Variants in ASTN1 observed in about 807,000 individuals in gnomAD.
The protein encoded by ASTN1 is astrotactin 1.
Under a neutral mutation model 140.7 loss-of-function variants are expected in ASTN1, and 41 were observed. The ratio of observed to expected loss-of-function variants is 0.29; its 90% CI spans 0.23 to 0.38. The LOEUF is 0.38. Ranked by LOEUF, ASTN1 falls within the 10% of genes least tolerant of loss-of-function variation. ASTN1 has a pLI of 1.00. For missense variants in ASTN1, 1,479 were observed against 1,678.8 expected, an observed-to-expected ratio of 0.88 and a Z score of 2.08; for synonymous variants, 640 against 652.2, an observed-to-expected ratio of 0.98 and a Z score of 0.29.
intron 16 of ASTN1, among the ~76,000 whole-genome samples, chr1:176,908,476 C>T (rs1169365804): frequency 1.3e-5 from 2 of 152,182 alleles, no homozygotes; most frequent in Non-Finnish European, 2.9e-5. Flanking sequence ...AAGGCAGAGG[C>T]TATAGCATAT....
Position 176,869,012 on chromosome 1 carries a change from A to G in ASTN1, c.3479T>C (p.Ile1160Thr). ...DVKAQEIADK[I>T]YNLFNGYTSG... ...AGTGTAGCCATTGAAGAGATTGTAGATCTTGTCTGCTATTTCTGAGGAAGG... is the reference window on the plus strand; with the variant it reads ...AGTGTAGCCATTGAAGAGATTGTAGGTCTTGTCTGCTATTTCTGAGGAAGG... The change falls in exon 22 of 23, where the codon ATC (isoleucine) becomes ACC (threonine). Residue 1160 changes from isoleucine to threonine, a missense_variant. By Grantham distance (89) the Ile-to-Thr change is moderately conservative. This residue lies in a region of ASTN1 where 746 missense variants were observed against 800.9 expected (regional missense o/e 0.93). Coordinates refer to ENST00000361833, the MANE Select transcript of ASTN1 (RefSeq NM_004319.3). The G allele has an allele frequency of 1.3e-6, 2 of 1,590,186 alleles. No individual in the cohort carries two copies. The highest frequency in any genetic ancestry group is 1.7e-6 in the Non-Finnish European group (2 of 1,167,732).
intron 16 of ASTN1, among the ~76,000 whole-genome samples, chr1:176,896,366 C>T (rs955998868): frequency 2.0e-5 from 3 of 152,130 alleles, no homozygotes; most frequent in Admixed American, 6.5e-5. Context: ...ATAAGAATGA[C>T]GGCTTCAAAT....
At chr1:176,973,107 T>A (rs1673211274) in intron 8 of ASTN1, among the ~76,000 whole-genome samples, 1 of 152,166 alleles carries the variant, frequency 6.6e-6, no homozygotes, top group Non-Finnish European at 1.5e-5. Flanking sequence ...ATCCTATCTC[T>A]ACCCTCCTTT....
At chr1:177,042,834 C>T (rs1677042486) in intron 2 of ASTN1, among the ~76,000 whole-genome samples, 1 of 152,286 alleles carries the variant, frequency 6.6e-6, no homozygotes, top group Non-Finnish European at 1.5e-5. Context: ...CACTCAACTT[C>T]CCATTTTCTT....
intron 2 of ASTN1, among the ~76,000 whole-genome samples, chr1:177,033,692 T>C (rs905362946): frequency 1.3e-5 from 2 of 152,102 alleles, no homozygotes; most frequent in Non-Finnish European, 2.9e-5. Context: ...GGGGAAGGGA[T>C]TGAAACCCAA....
chr1:176,919,305 T>G (rs1264206320), intron 16 of ASTN1, among the ~76,000 whole-genome samples: 1 of 152,244 alleles, frequency 6.6e-6, no homozygotes, highest in Admixed American at 6.5e-5. Context: ...AAAGAGATTT[T>G]CTTCAGTTTC....
chr1:176,984,674 T>C (rs1319358516), intron 8 of ASTN1, among the ~76,000 whole-genome samples: 1 of 152,186 alleles, frequency 6.6e-6, no homozygotes, highest in Admixed American at 6.5e-5. Flanking sequence ...GCAATCAATG[T>C]TTTTCTGATT....
At chr1:176,956,653 C>G (rs777284993) in intron 11 of ASTN1, among the ~76,000 whole-genome samples, 1 of 152,166 alleles carries the variant, frequency 6.6e-6, no homozygotes, top group Non-Finnish European at 1.5e-5. Context: ...GGCTTTCCTC[C>G]CTGCCTCCCC....
chr1:176,905,320 A>T (rs1669938566), intron 16 of ASTN1, among the ~76,000 whole-genome samples: 1 of 152,228 alleles, frequency 6.6e-6, no homozygotes, highest in Admixed American at 6.5e-5. Context: ...ACCATAGCGG[A>T]AAATTCAATG....
At chr1:176,858,319 G>A (rs565937267), downstream of ASTN1, among the ~76,000 whole-genome samples, 107 of 152,280 alleles carry the variant, frequency 7.0e-4, 2 homozygotes, top group South Asian at 4.1e-3. Context: ...TAATGTTGAG[G>A]TTTCATTTGA....
rs149109331 is a variant in ASTN1, at chr1:176,986,876, T to C, written c.1524-21639A>G. The stretch of plus-strand genomic sequence containing the variant: ...AGTGGCAGGCACATGTTAAGTACTA[T>C]ATAAGTACCTGTTGTTATTATTCTC... On this transcript the variant is annotated intron_variant, in intron 8 of 22. Coordinates refer to ENST00000361833, the MANE Select transcript of ASTN1 (RefSeq NM_004319.3). Among the ~76,000 whole-genome samples, 45 of 152,334 alleles carry C rather than the reference T, an allele frequency of 3.0e-4. No homozygotes were observed. In the East Asian group the frequency reaches 8.5e-3, roughly 29 times the overall value.
intron 1 of ASTN1, among the ~76,000 whole-genome samples, chr1:177,139,594 A>G (rs1166355723): frequency 1.3e-5 from 2 of 152,194 alleles, no homozygotes; most frequent in African/African-American, 4.8e-5. Flanking sequence ...AAATCAGGCA[A>G]TCTATTAGAA....
intron 11 of ASTN1, among the ~76,000 whole-genome samples, chr1:176,956,263 T>C (rs918790319): frequency 6.6e-6 from 1 of 152,156 alleles, no homozygotes; most frequent in African/African-American, 2.4e-5. Context: ...CTCTCTCCCT[T>C]TCTTTTTCTT....
chr1:177,089,960 T>C (rs1382072338), intron 1 of ASTN1, among the ~76,000 whole-genome samples: 1 of 152,090 alleles, frequency 6.6e-6, no homozygotes, highest in Non-Finnish European at 1.5e-5. Flanking sequence ...GTTGTCAATA[T>C]GTTAATCTGG....
chr1:176,912,154 C>T (rs946081603), intron 16 of ASTN1, among the ~76,000 whole-genome samples: 4 of 152,146 alleles, frequency 2.6e-5, no homozygotes, highest in Non-Finnish European at 5.9e-5. Context: ...TTGGGATAGG[C>T]TCAAGGATAC....
chr1:176,884,487 C>T lies in ASTN1; in HGVS notation c.3078G>A (p.Leu1026=), dbSNP rs770096764. 3 of 1,609,438 alleles carry T rather than the reference C, an allele frequency of 1.9e-6. No individual in the cohort carries two copies. The highest frequency in any genetic ancestry group is 1.7e-6 in the Non-Finnish European group (2 of 1,176,302). Residue 1026 remains leucine (L), a synonymous_variant, in exon 19 of 23, where the codon CTG becomes CTA. Coordinates refer to ENST00000361833, the MANE Select transcript of ASTN1 (RefSeq NM_004319.3). The part of the protein sequence containing the change: ...PTCAPLPQPV[L]RLSTVHEPSS... ...TGGGCTCGTGAACCGTGGAGAGTCT[C>T]AGCCTGTGTGCAGACAGGAAGGAAC...
intron 16 of ASTN1, among the ~76,000 whole-genome samples, chr1:176,905,045 A>G (rs1000159424): frequency 6.6e-6 from 1 of 152,164 alleles, no homozygotes; most frequent in Non-Finnish European, 1.5e-5. Flanking sequence ...CTGCGTGCTT[A>G]TCTGTTCTCC....
chr1:177,027,526 C>T (rs896102565), intron 5 of ASTN1, among the ~76,000 whole-genome samples: 1 of 150,818 alleles, frequency 6.6e-6, no homozygotes, highest in South Asian at 2.1e-4. Flanking sequence ...AGCCATTTTC[C>T]AGCCTCATCC....
At chr1:176,975,030 T>A (rs956932665) in intron 8 of ASTN1, among the ~76,000 whole-genome samples, 3 of 152,176 alleles carry the variant, frequency 2.0e-5, no homozygotes, top group Admixed American at 1.3e-4. Flanking sequence ...TTAAGGGTCA[T>A]CATAGAAGGC....
Sources: gnomAD v4.1 joint callset for allele counts (sites outside exome capture counted in the v4.1 genomes callset) on GRCh38, gnomAD v4.1.1 for gene constraint, gnomAD v4.1.1 regional missense constraint, MANE v1.5 for transcripts, NCBI Gene and HGNC (gene_info 2026-07-23, HGNC 2026-07-21) for gene names.